Variants in WDR3 observed in about 807,000 individuals in gnomAD.
The protein encoded by WDR3 is WD repeat domain 3, also known as WD repeat-containing protein 3.
WDR3 carries 81 observed loss-of-function variants against 123.7 expected under a neutral mutation model. The ratio of observed to expected loss-of-function variants is 0.65; its 90% CI spans 0.55 to 0.79. WDR3 has a LOEUF of 0.79. Among genes scored for constraint, WDR3 ranks in the 30% least tolerant of loss-of-function variants. WDR3 has a pLI of 0.00. For synonymous variants in WDR3, 390 were observed against 388.8 expected, an observed-to-expected ratio of 1.00 and a Z score of -0.04; for missense variants, 1,027 against 1,123.2, an observed-to-expected ratio of 0.91 and a Z score of 1.22.
chr1:117,944,612 C>T (rs1229449890), intron 11 of WDR3, among the ~76,000 whole-genome samples: 1 of 152,178 alleles, frequency 6.6e-6, no homozygotes, highest in African/African-American at 2.4e-5. Context: ...AATCTTCCCA[C>T]CTGCTATTCC....
At chr1:117,948,345 A>G (rs1651481420) in intron 12 of WDR3, 60 bp from the exon 13 acceptor site, 1 of 1,471,612 alleles carries the variant, frequency 6.8e-7, no homozygotes, top group Non-Finnish European at 9.5e-7. Flanking sequence ...TTGTGCAGTC[A>G]TGAATCATGG....
At chr1:117,952,188 A>C in intron 17 of WDR3, 109 bp from the exon 18 acceptor site, 1 of 1,444,458 alleles carries the variant, frequency 6.9e-7, no homozygotes, top group Non-Finnish European at 9.6e-7. Flanking sequence ...AAGTTCTAAA[A>C]TATAGTCAGA....
rs762405717 is a variant in WDR3 at position 117,952,540 on chromosome 1, G to C, written c.2029G>C (p.Glu677Gln). 3 of 1,611,414 alleles carry C rather than the reference G, an allele frequency of 1.9e-6. No individual in the cohort carries two copies. The Admixed American group carries it at 5.0e-5, about 27-fold the overall frequency. ...HIQTLEGHHQ[E>Q]IWCLAVSPSG... is the part of the protein sequence containing the mutation. Reference sequence around the variant, plus strand: ...TTTTCTCCTCCAGGGTCATCACCAGGAAATATGGTGTTTGGCTGTAAGCCC... The same window carrying C: ...TTTTCTCCTCCAGGGTCATCACCAGCAAATATGGTGTTTGGCTGTAAGCCC... Residue 677 changes from glutamate (E) to glutamine (Q), a missense_variant, in exon 19 of 27, where the codon GAA becomes CAA. Transcript: ENST00000349139.
At chr1:117,933,030 AC>A (rs1362591717) in intron 1 of WDR3, among the ~76,000 whole-genome samples, 1 of 140,820 alleles carries the variant, frequency 7.1e-6, no homozygotes, top group Non-Finnish European at 1.5e-5. Flanking sequence ...CCCCATCTCT[AC>A]TAAAAAAAAA....
At chr1:117,930,695 C>T (rs527917703) in intron 1 of WDR3, among the ~76,000 whole-genome samples, 1 of 152,252 alleles carries the variant, frequency 6.6e-6, no homozygotes, top group African/African-American at 2.4e-5. Context: ...ACTGAAAGTG[C>T]TGGAGAGAAA....
At chr1:117,959,271 A>G in intron 26 of WDR3, 21 bp from the exon 27 acceptor site, 1 of 1,595,266 alleles carries the variant, frequency 6.3e-7, no homozygotes. Context: ...ATTTTTTAAT[A>G]TTTCTTGTAT....
intron 3 of WDR3, 124 bp downstream of exon 3, chr1:117,934,806 G>T: frequency 1.1e-6 from 1 of 932,736 alleles, no homozygotes; most frequent in East Asian, 2.7e-5. Context: ...GTAGTATAAT[G>T]ATAGAGTGAA....
At chr1:117,953,116 C>T (rs1199143089) in intron 20 of WDR3, 120 bp downstream of exon 20, 4 of 1,162,770 alleles carry the variant, frequency 3.4e-6, no homozygotes, top group Non-Finnish European at 2.4e-6. Context: ...GCAGGTATCA[C>T]CAGCTGATAA....
rs578170436 is a variant in WDR3, at chr1:117,933,032, T to TAA, written c.-32-235_-32-234dup. ...CAATATGGTGAAACCCCATCTCTAC[T>TAA]AAAAAAAAAAAAAAAAAAAAAATTA... On this transcript the variant is annotated intron_variant, in intron 1 of 26. Coordinates refer to ENST00000349139, the MANE Select transcript of WDR3 (RefSeq NM_006784.3). Among the ~76,000 whole-genome samples the TAA allele has an allele frequency of 3.8e-3, 354 of 92,842 alleles. 3 individuals are homozygous for TAA. The highest frequency in any genetic ancestry group is 0.013 in the African/African-American group (332 of 25,896). The allele number at this position is 92,842 out of a possible 152,430, so 60.9% of individuals were successfully genotyped here. A position where few individuals can be genotyped will look rare whatever the true frequency, so the allele number is the denominator to read the frequency against.
At chr1:117,943,127 A>G (rs1306336817) in intron 10 of WDR3, among the ~76,000 whole-genome samples, 1 of 151,778 alleles carries the variant, frequency 6.6e-6, no homozygotes, top group Non-Finnish European at 1.5e-5. Flanking sequence ...TAATTTTTGT[A>G]TTTTTAATGG....
Position 117,932,921 on chromosome 1 carries a change from G to A in WDR3, c.-32-367G>A, listed in dbSNP as rs534231712. On this transcript the variant is annotated intron_variant, in intron 1 of 26. Transcript: ENST00000349139. ...GATCAACAGTTGGTGTTGTTCTGGC[G>A]CAGTGGCTAACACCTGTAATCCCAG... Among the ~76,000 whole-genome samples, 223 of 151,932 alleles carry A rather than the reference G, an allele frequency of 1.5e-3. 1 individual carries two copies. The highest frequency in any genetic ancestry group is 3.4e-3 in the Middle Eastern group (1 of 294).
chr1:117,952,158 G>A, intron 17 of WDR3, 82 bp downstream of exon 17: 1 of 1,514,116 alleles, frequency 6.6e-7, no homozygotes, highest in Non-Finnish European at 9.1e-7. Flanking sequence ...CTATTTTTCA[G>A]TGTTCTCAGG....
In WDR3 at chr1:117,955,377, A is replaced by G; in HGVS notation, c.2453+19A>G. ...AGTCGAGGTGAGTGAGTCCTTGCGC[A>G]CAATTTTTGTAATCTGTCAGCAAAC... On this transcript the variant is annotated intron_variant, in intron 24 of 26. Coordinates refer to ENST00000349139, the MANE Select transcript of WDR3 (RefSeq NM_006784.3). 2.5e-6 allele frequency: 4 copies of G among 1,609,770 alleles called. No homozygotes were observed. Among genetic ancestry groups the G allele is most frequent in the Non-Finnish European group, 3.4e-6 (4 of 1,177,480 alleles).
Position 117,959,014 on chromosome 1 carries a change from T to G in WDR3, c.2676+11T>G. 1 of 1,612,290 alleles carries G rather than the reference T, an allele frequency of 6.2e-7. No homozygotes were observed. On this transcript the variant is annotated intron_variant, in intron 26 of 26. Transcript: ENST00000349139. ...GTCAGCCAAGTCCGGGTAAGTGTCT[T>G]TGTATAGAGATAAAATAATGAGGCA...
chr1:117,938,744 C>T (rs565586611), intron 5 of WDR3, among the ~76,000 whole-genome samples, 186 bp downstream of exon 5: 1 of 152,280 alleles, frequency 6.6e-6, no homozygotes, highest in South Asian at 2.1e-4. Context: ...TACTGCTGCT[C>T]TGACATGTAG....
chr1:117,944,291 A>G (rs1254421712), intron 11 of WDR3, among the ~76,000 whole-genome samples: 4 of 152,044 alleles, frequency 2.6e-5, no homozygotes, highest in Non-Finnish European at 5.9e-5. Context: ...TTTGACTTTC[A>G]TTATTTCCCC....
At chr1:117,955,286 C>A in intron 23 of WDR3, 29 bp from the exon 24 acceptor site, 2 of 1,590,052 alleles carry the variant, frequency 1.3e-6, no homozygotes, top group African/African-American at 1.3e-5. Flanking sequence ...CCAAGAGTAT[C>A]ACTAATGGTA....
At position 117,954,626 on chromosome 1, in the gene WDR3, C is replaced by T. The variant is rs763880353; in HGVS notation, c.2408C>T (p.Ser803Leu). The T allele has an allele frequency of 3.1e-6, 5 of 1,611,978 alleles. No homozygotes were observed. Among genetic ancestry groups the T allele is most frequent in the Non-Finnish European group, 4.2e-6 (5 of 1,178,878 alleles). The change falls in exon 23 of 27, where the codon TCA becomes TTA. Residue 803 changes from serine (S) to leucine (L), a missense_variant and splice_region_variant. Coordinates refer to ENST00000349139, the MANE Select transcript of WDR3 (RefSeq NM_006784.3). The part of the protein sequence containing the change: ...NPILMAYGSI[S>L]PSAYVLEIFK... ...ATCCTAATGGCTTATGGCAGTATCTCAGTGAGTAAAATGTCTAACGGTTTT... is the reference window on the plus strand; with the variant it reads ...ATCCTAATGGCTTATGGCAGTATCTTAGTGAGTAAAATGTCTAACGGTTTT...
intron 1 of WDR3, among the ~76,000 whole-genome samples, chr1:117,932,930 A>C (rs113590162): frequency 8.6e-5 from 13 of 151,980 alleles, no homozygotes; most frequent in African/African-American, 3.1e-4. Flanking sequence ...CGCAGTGGCT[A>C]ACACCTGTAA....
Sources: gnomAD v4.1 joint callset for allele counts (sites outside exome capture counted in the v4.1 genomes callset) on GRCh38, gnomAD v4.1.1 for gene constraint, MANE v1.5 for transcripts, NCBI Gene and HGNC (gene_info 2026-07-23, HGNC 2026-07-21) for gene names.